Variants in SYNJ2 observed in about 807,000 individuals in gnomAD.
SYNJ2 encodes synaptojanin 2.
SYNJ2 carries 116 observed loss-of-function variants against 141.3 expected under a neutral mutation model. The ratio of observed to expected loss-of-function variants is 0.82; its 90% CI spans 0.71 to 0.96. The LOEUF (loss-of-function observed/expected upper bound fraction) is 0.96. Ranked by LOEUF, SYNJ2 falls within the 40% of genes least tolerant of loss-of-function variation. The pLI, the probability that SYNJ2 is intolerant of heterozygous loss-of-function variation, is 0.00. For synonymous variants in SYNJ2, 745 were observed against 777.7 expected (o/e 0.96, Z 0.70); for missense variants, 1,873 against 1,934.8 (o/e 0.97, Z 0.60).
intron 7 of SYNJ2, among the ~76,000 whole-genome samples, chr6:158,060,952 T>C (rs1781183708): frequency 6.6e-6 from 1 of 152,172 alleles, no homozygotes; most frequent in South Asian, 2.1e-4. Context: ...CAGACCAAGG[T>C]TGGTGGCCCA....
intron 1 of SYNJ2, among the ~76,000 whole-genome samples, chr6:157,990,843 C>T (rs1777397602): frequency 6.6e-6 from 1 of 152,070 alleles, no homozygotes; most frequent in African/African-American, 2.4e-5. Context: ...TAGAATGTTC[C>T]AGTGATACCA....
chr6:158,043,097 C>T lies in SYNJ2; in HGVS notation c.712-219C>T, dbSNP rs1434073246. Among the ~76,000 whole-genome samples the T allele has an allele frequency of 6.6e-6, 1 of 152,130 alleles. No homozygotes were observed. The highest frequency in any genetic ancestry group is 1.9e-4 in the East Asian group (1 of 5,182). ...TGGGAGGCCCCAACCCCCAGCAGAC[C>T]CCCTCCTCAGAGGCTGGTCGACAGC... On this transcript the variant is annotated intron_variant, in intron 4 of 26. Transcript: ENST00000355585. The surrounding 1 kb of genome is among the most constrained non-coding windows in gnomAD (Gnocchi z 4.0).
chr6:158,040,742 G>A lies in SYNJ2; in HGVS notation c.712-2574G>A, dbSNP rs1031539912. On this transcript the variant is annotated intron_variant, in intron 4 of 26. Transcript: ENST00000355585. The surrounding 1 kb of genome is among the most constrained non-coding windows in gnomAD (Gnocchi z 4.2). ...CCCCTGTGAGTTTTCCTGCCTCGTC[G>A]CTCTCTTTTTATGGCCATTAGGTTT... Among the ~76,000 whole-genome samples the A allele has an allele frequency of 6.6e-6, 1 of 152,122 alleles. No individual in the cohort carries two copies. The highest frequency in any genetic ancestry group is 2.4e-5 in the African/African-American group (1 of 41,422).
chr6:158,053,969 C>G (rs1229238970), intron 5 of SYNJ2, among the ~76,000 whole-genome samples: 1 of 151,728 alleles, frequency 6.6e-6, no homozygotes, highest in Non-Finnish European at 1.5e-5. Context: ...TCCATCCACC[C>G]ACCCATCCAT....
chr6:158,074,931 T>C (rs1380060826), intron 16 of SYNJ2, among the ~76,000 whole-genome samples, 193 bp downstream of exon 16: 201 of 13,586 alleles, frequency 0.015, 2 homozygotes, highest in African/African-American at 0.062. Flanking sequence ...TCCTTTTTTT[T>C]TTTTTTTTTT....
At chr6:158,002,277 G>C (rs1777893647) in intron 1 of SYNJ2, 1 of 152,318 alleles carries the variant, frequency 6.6e-6, no homozygotes, top group African/African-American at 2.4e-5. Context: ...GGCTCCCTCA[G>C]TTCCCAAAGC....
chr6:158,039,622 ACTGT>A (rs1779827595), intron 4 of SYNJ2, among the ~76,000 whole-genome samples: 1 of 152,316 alleles, frequency 6.6e-6, no homozygotes, highest in African/African-American at 2.4e-5. Context: ...ACAGGAGCAG[ACTGT>A]CTGGCGCTTC....
intron 20 of SYNJ2, among the ~76,000 whole-genome samples, chr6:158,082,957 G>C (rs564984559): frequency 7.0e-4 from 106 of 151,628 alleles, no homozygotes; most frequent in African/African-American, 2.5e-3. Context: ...TTTTGAGATG[G>C]AGTCTTGCTC....
In SYNJ2 at chr6:158,092,998, C is replaced by A. The variant is rs139844496; in HGVS notation, c.3638C>A (p.Pro1213Gln). Reference protein sequence around the residue: ...LEASSEPEPTPGAAKPETPQA... With the variant: ...LEASSEPEPTQGAAKPETPQA... ...GCATCCTCTGAACCAGAGCCCACAC[C>A]GGGGGCAGCCAAACCAGAGACCCCA... Residue 1213 changes from proline (P) to glutamine (Q), a missense_variant, in exon 26 of 27, where the codon CCG (proline) becomes CAG (glutamine). Transcript: ENST00000355585. 3.7e-6 allele frequency: 6 copies of A among 1,613,154 alleles called. No homozygotes were observed. In the South Asian group the frequency reaches 6.6e-5, roughly 18 times the overall value.
intron 1 of SYNJ2, among the ~76,000 whole-genome samples, chr6:157,999,088 T>C (rs911104656): frequency 6.6e-6 from 1 of 152,284 alleles, no homozygotes; most frequent in East Asian, 1.9e-4. Context: ...AGAACTCCTA[T>C]AGATCATGAA....
intron 11 of SYNJ2, among the ~76,000 whole-genome samples, chr6:158,065,295 A>T (rs1003733893): frequency 6.6e-6 from 1 of 152,146 alleles, no homozygotes; most frequent in Non-Finnish European, 1.5e-5. Context: ...TTGAATGCTA[A>T]CCTACTCCAG....
intron 1 of SYNJ2, among the ~76,000 whole-genome samples, chr6:157,986,518 G>A (rs1777211557): frequency 1.3e-5 from 2 of 152,084 alleles, no homozygotes; most frequent in South Asian, 4.2e-4. Context: ...ATTTTTAGTA[G>A]AGAAAGGGTT....
chr6:158,062,208 A>G (rs777196380), intron 8 of SYNJ2, 44 bp downstream of exon 8: 15 of 1,596,326 alleles, frequency 9.4e-6, no homozygotes, highest in Non-Finnish European at 1.2e-5. Flanking sequence ...GCTGGGGGGA[A>G]GCGTCAGTCC....
intron 1 of SYNJ2, chr6:158,002,208 T>G (rs1173241506): frequency 6.6e-6 from 1 of 152,356 alleles, no homozygotes; most frequent in Non-Finnish European, 1.5e-5. Flanking sequence ...AGTGGGCATC[T>G]AGACCCTTTG....
intron 3 of SYNJ2, chr6:158,030,565 T>C (rs1159107095): frequency 6.6e-6 from 1 of 152,614 alleles, no homozygotes; most frequent in Non-Finnish European, 1.5e-5. Flanking sequence ...TTGTGGATAT[T>C]TGGGGGCAGT....
rs369458527 is a variant in SYNJ2 at position 158,077,052 on chromosome 6, A to G, written c.2449+270A>G. ...CTCTTGTTGCCTAGGCTGGAGTGCA[A>G]TGGCGTGATCTTGGCTCACCACAAC... On this transcript the variant is annotated intron_variant, in intron 17 of 26. Transcript: ENST00000355585. Among the ~76,000 whole-genome samples the G allele has an allele frequency of 1.1e-3, 169 of 151,166 alleles. 1 individual carries two copies. Among genetic ancestry groups the G allele is most frequent in the African/African-American group, 3.8e-3 (158 of 41,098 alleles).
chr6:158,028,411 G>T, intron 2 of SYNJ2: 1 of 291,980 alleles, frequency 3.4e-6, no homozygotes, highest in Admixed American at 4.7e-5. Flanking sequence ...TCTAGGCCAG[G>T]AATTTTCAGA....
At chr6:158,052,906 C>T (rs1780647680) in intron 5 of SYNJ2, among the ~76,000 whole-genome samples, 1 of 152,182 alleles carries the variant, frequency 6.6e-6, no homozygotes, top group South Asian at 2.1e-4. Flanking sequence ...AAATTGATCA[C>T]TTGTCTCAGT....
chr6:158,054,034 CCATCCATCCCCCCATT>C (rs1341518922), intron 5 of SYNJ2, among the ~76,000 whole-genome samples: 3 of 150,324 alleles, frequency 2.0e-5, no homozygotes, highest in East Asian at 2.0e-4. Flanking sequence ...ATTCACCCAT[CCATCCATCCCCCCATT>C]CATCCATCCA....
Sources: gnomAD v4.1 joint callset for allele counts (sites outside exome capture counted in the v4.1 genomes callset) on GRCh38, gnomAD v4.1.1 for gene constraint, Gnocchi (gnomAD v3.1) non-coding constraint, MANE v1.5 for transcripts, NCBI Gene and HGNC (gene_info 2026-07-23, HGNC 2026-07-21) for gene names.